Variants in QSOX1 observed in about 807,000 individuals in gnomAD.
QSOX1 encodes quiescin sulfhydryl oxidase 1, also known as sulfhydryl oxidase 1.
In QSOX1, 40 loss-of-function variants were observed where a neutral mutation model predicts 76.1. The observed-to-expected ratio is 0.53, with a 90% CI of 0.41 to 0.68. The LOEUF (loss-of-function observed/expected upper bound fraction) is 0.68, where lower values mean the gene tolerates loss of function less well. Ranked by LOEUF, QSOX1 falls within the 30% of genes least tolerant of loss-of-function variation. QSOX1 has a pLI of 0.00. For missense variants in QSOX1, 931 were observed against 974.3 expected (o/e 0.96, Z 0.59); for synonymous variants, 392 against 413.1 (o/e 0.95, Z 0.62).
intron 10 of QSOX1, among the ~76,000 whole-genome samples, chr1:180,193,513 C>T (rs1376376060): frequency 2.0e-5 from 3 of 151,764 alleles, no homozygotes; most frequent in African/African-American, 4.8e-5. Flanking sequence ...GGGAGGTTTG[C>T]GGTAGGAAGG....
chr1:180,178,784 T>G lies in QSOX1; in HGVS notation c.516-10T>G. ...CTGTGCAGAGTGACTGCCAGAATTGTCTCTTGCAGGCTGGAGGAGATTGAT... is the reference window on the plus strand; with the variant it reads ...CTGTGCAGAGTGACTGCCAGAATTGGCTCTTGCAGGCTGGAGGAGATTGAT... On this transcript the variant is annotated splice_polypyrimidine_tract_variant and intron_variant, in intron 4 of 11. Coordinates refer to ENST00000367602, the MANE Select transcript of QSOX1 (RefSeq NM_002826.5). 1 of 1,611,588 alleles carries G rather than the reference T, an allele frequency of 6.2e-7. No homozygotes were observed. Among genetic ancestry groups the G allele is most frequent in the Non-Finnish European group, 8.5e-7 (1 of 1,177,728 alleles).
chr1:180,174,261 G>A (rs1036980856), intron 2 of QSOX1, among the ~76,000 whole-genome samples: 20 of 152,300 alleles, frequency 1.3e-4, no homozygotes, highest in African/African-American at 4.8e-4. Flanking sequence ...CTGTCTTGCC[G>A]CCTGGGCAGA....
At chr1:180,180,917 C>T (rs977064771) in intron 5 of QSOX1, among the ~76,000 whole-genome samples, 2 of 152,208 alleles carry the variant, frequency 1.3e-5, no homozygotes, top group Non-Finnish European at 2.9e-5. Flanking sequence ...GAACAGCCCC[C>T]CTGAAGTTGG....
intron 1 of QSOX1, among the ~76,000 whole-genome samples, chr1:180,164,724 CGTA>C (rs1404529844): frequency 6.6e-6 from 1 of 152,126 alleles, no homozygotes; most frequent in Non-Finnish European, 1.5e-5. Flanking sequence ...TCTGAGACGT[CGTA>C]AGGAGTAAGT....
At chr1:180,182,955 C>T (rs979117694) in intron 6 of QSOX1, among the ~76,000 whole-genome samples, 4 of 152,234 alleles carry the variant, frequency 2.6e-5, no homozygotes, top group Admixed American at 6.5e-5. Context: ...CCCTCAGTGC[C>T]GACCCACACG....
chr1:180,182,468 GGCCAGC>G (rs1450914340), intron 6 of QSOX1, 149 bp downstream of exon 6: 1 of 1,122,002 alleles, frequency 8.9e-7, no homozygotes, highest in Non-Finnish European at 1.3e-6. Flanking sequence ...CTGTCTGCGG[GGCCAGC>G]GCCTCCACCG....
At chr1:180,188,683 C>T (rs1663232492) in intron 8 of QSOX1, among the ~76,000 whole-genome samples, 1 of 152,224 alleles carries the variant, frequency 6.6e-6, no homozygotes, top group African/African-American at 2.4e-5. Flanking sequence ...AGCAGGTTTT[C>T]CTGTTCAGTT....
intron 1 of QSOX1, among the ~76,000 whole-genome samples, chr1:180,155,395 C>G (rs886101513): frequency 1.3e-5 from 2 of 152,168 alleles, no homozygotes; most frequent in Non-Finnish European, 2.9e-5. Context: ...GAGCTTCTTT[C>G]CCTCTCCGCG....
chr1:180,162,462 A>G (rs539940857), intron 1 of QSOX1, among the ~76,000 whole-genome samples: 1 of 152,050 alleles, frequency 6.6e-6, no homozygotes, highest in Non-Finnish European at 1.5e-5. Context: ...CAGCCTGGGC[A>G]TGGTGGCTCA....
At chr1:180,163,548 A>G (rs1662541448) in intron 1 of QSOX1, among the ~76,000 whole-genome samples, 1 of 152,334 alleles carries the variant, frequency 6.6e-6, no homozygotes, top group African/African-American at 2.4e-5. Flanking sequence ...TACAGACCCA[A>G]TTATATTCTC....
chr1:180,173,007 A>G lies in QSOX1; in HGVS notation c.367-2314A>G, dbSNP rs145284252. On this transcript the variant is annotated intron_variant, in intron 2 of 11. Coordinates refer to ENST00000367602, the MANE Select transcript of QSOX1 (RefSeq NM_002826.5). ...CATGATGTCAGTGTTGTTCTCATATATGTAGAAACCAGTCAAAGTGTAACC... is the reference window on the plus strand; with the variant it reads ...CATGATGTCAGTGTTGTTCTCATATGTGTAGAAACCAGTCAAAGTGTAACC... Among the ~76,000 whole-genome samples, 882 of 152,354 alleles carry G rather than the reference A, an allele frequency of 5.8e-3. 8 individuals carry two copies. The highest frequency in any genetic ancestry group is 6.4e-3 in the Non-Finnish European group (433 of 68,030).
At chr1:180,184,247 C>T (rs998383458) in intron 7 of QSOX1, among the ~76,000 whole-genome samples, 197 bp downstream of exon 7, 11 of 152,184 alleles carry the variant, frequency 7.2e-5, no homozygotes, top group African/African-American at 9.7e-5. Context: ...CATTTAGCTG[C>T]GGTGCCTCTG....
rs1465255461 is a variant in QSOX1 at position 180,186,060 on chromosome 1, A to T, written c.895A>T (p.Ile299Phe). Residue 299 changes from isoleucine (I) to phenylalanine (F), a missense_variant, in exon 8 of 12, where the codon ATC (isoleucine) becomes TTC (phenylalanine). Coordinates refer to ENST00000367602, the MANE Select transcript of QSOX1 (RefSeq NM_002826.5). ...TVWKLADRSK[I>F]YMADLESALH... Reference sequence around the variant, plus strand: ...CTCCCTCTGGGTCCTCAGCTCCAAGATCTACATGGCTGACCTGGAATCTGC... The same window carrying T: ...CTCCCTCTGGGTCCTCAGCTCCAAGTTCTACATGGCTGACCTGGAATCTGC... 5 of 1,614,094 alleles carry T rather than the reference A, an allele frequency of 3.1e-6. No homozygotes were observed. The highest frequency in any genetic ancestry group is 4.2e-6 in the Non-Finnish European group (5 of 1,179,964).
intron 1 of QSOX1, among the ~76,000 whole-genome samples, chr1:180,163,013 A>G (rs908869067): frequency 1.7e-4 from 26 of 152,208 alleles, no homozygotes; most frequent in Admixed American, 6.5e-5. Flanking sequence ...CCTAAAAGGT[A>G]CAGAAAAACC....
intron 4 of QSOX1, among the ~76,000 whole-genome samples, chr1:180,178,151 C>G (rs2149236794): frequency 6.6e-6 from 1 of 152,302 alleles, no homozygotes; most frequent in Non-Finnish European, 1.5e-5. Flanking sequence ...CTGGGCCTGC[C>G]CCAGCACATG....
chr1:180,180,717 A>G lies in QSOX1; in HGVS notation c.607-1457A>G, dbSNP rs139543940. Among the ~76,000 whole-genome samples the G allele has an allele frequency of 3.4e-3, 520 of 152,236 alleles. 3 individuals are homozygous for G. The highest frequency in any genetic ancestry group is 0.024 in the Middle Eastern group (7 of 294). ...TTTTTAGTAGAGACGGGGTTTCACC[A>G]TGTTGGTAAGGATGGTCTTGATCTC... On this transcript the variant is annotated intron_variant, in intron 5 of 11. Transcript: ENST00000367602.
chr1:180,189,868 T>A (rs1663267401), intron 9 of QSOX1, among the ~76,000 whole-genome samples, 194 bp downstream of exon 9: 1 of 152,200 alleles, frequency 6.6e-6, no homozygotes, highest in Non-Finnish European at 1.5e-5. Context: ...ATCCTCATAA[T>A]GTTAGTGGAA....
rs745402156 is a variant in QSOX1, at chr1:180,182,281, C to A, written c.714C>A (p.Tyr238Ter). 10 of 1,614,154 alleles carry A rather than the reference C, an allele frequency of 6.2e-6. No individual in the cohort carries two copies. The highest frequency in any genetic ancestry group is 8.5e-6 in the Non-Finnish European group (10 of 1,180,056). Residue 238 changes from tyrosine to a stop codon, truncating the protein, a stop_gained, in exon 6 of 12, where the codon TAC becomes TAA. Coordinates refer to ENST00000367602, the MANE Select transcript of QSOX1 (RefSeq NM_002826.5). LOFTEE classifies it high-confidence loss of function. ...GTGTCACCGACTTCCCCTCTTGCTA[C>A]CTGCTGTTCCGGAATGGCTCTGTCT... The part of the protein sequence containing the change: ...KFGVTDFPSC[Y>*]LLFRNGSVSR...
At chr1:180,189,711 C>T in intron 9 of QSOX1, 37 bp downstream of exon 9, 1 of 1,601,458 alleles carries the variant, frequency 6.2e-7, no homozygotes, top group Non-Finnish European at 8.5e-7. Context: ...TCTCCATCCT[C>T]CGTATTTATG....
Sources: allele counts gnomAD v4.1 joint callset (sites outside exome capture counted in the v4.1 genomes callset), GRCh38; gene constraint gnomAD v4.1.1; transcripts MANE v1.5; gene names NCBI Gene and HGNC (gene_info 2026-07-23, HGNC 2026-07-21).